Variants in TBC1D32 observed in about 807,000 individuals in gnomAD.
TBC1D32 encodes protein broad-minded.
A neutral mutation model predicts 170.3 loss-of-function variants in TBC1D32; 151 were observed. The ratio of observed to expected loss-of-function variants is 0.89; its 90% CI spans 0.78 to 1.01. The LOEUF (loss-of-function observed/expected upper bound fraction) is 1.01. Ranked by LOEUF, TBC1D32 falls within the 50% of genes least tolerant of loss-of-function variation. TBC1D32 has a pLI of 0.00. For missense variants in TBC1D32, 1,464 were observed against 1,457.1 expected, an observed-to-expected ratio of 1.00 and a Z score of -0.08; for synonymous variants, 498 against 488.0, an observed-to-expected ratio of 1.02 and a Z score of -0.27.
chr6:121,293,537 C>T (rs1457648172), intron 11 of TBC1D32, among the ~76,000 whole-genome samples: 1 of 152,152 alleles, frequency 6.6e-6, no homozygotes, highest in African/African-American at 2.4e-5. Context: ...ACAATAAAAG[C>T]TATCAGGTTC....
intron 31 of TBC1D32, 61 bp downstream of exon 31, chr6:121,090,792 T>C: frequency 2.7e-6 from 4 of 1,488,430 alleles, no homozygotes; most frequent in South Asian, 1.2e-5. Context: ...AAGTATCTAA[T>C]ATTAAGCAAC....
At position 121,321,662 on chromosome 6, in the gene TBC1D32, C is replaced by T. The variant is rs1303482911; in HGVS notation, c.288G>A (p.Gln96=). ...EECGYDTVVQ[Q]VTKRTQESKE... ...TAGATTCTTGAGTTCTTTTAGTGAC[C>T]TGCTGTACAACTGTATCATAGCCGC... is the stretch of plus-strand genomic sequence containing the variant. The change falls in exon 2 of 32, where the codon CAG becomes CAA. Residue 96 remains glutamine, a synonymous_variant. Coordinates refer to ENST00000398212, the MANE Select transcript of TBC1D32 (RefSeq NM_152730.6). The T allele has an allele frequency of 1.9e-6, 3 of 1,612,962 alleles. No individual in the cohort carries two copies. The highest frequency in any genetic ancestry group is 2.5e-6 in the Non-Finnish European group (3 of 1,179,576).
intron 15 of TBC1D32, among the ~76,000 whole-genome samples, chr6:121,267,489 G>A (rs963031176): frequency 6.6e-6 from 1 of 152,150 alleles, no homozygotes; most frequent in Non-Finnish European, 1.5e-5. Flanking sequence ...TGGCTTGGAG[G>A]GTCCCAAGCC....
At chr6:121,280,112 A>C (rs1802779019) in intron 14 of TBC1D32, among the ~76,000 whole-genome samples, 1 of 151,960 alleles carries the variant, frequency 6.6e-6, no homozygotes. Context: ...AGCACTATTC[A>C]TACTACTTAG....
At chr6:121,243,582 C>T (rs1018540076) in intron 17 of TBC1D32, among the ~76,000 whole-genome samples, 7 of 151,876 alleles carry the variant, frequency 4.6e-5, no homozygotes, top group African/African-American at 1.5e-4. Context: ...TAACAAAACA[C>T]ACACACACAC....
chr6:121,113,554 C>T (rs1437787685), intron 27 of TBC1D32, among the ~76,000 whole-genome samples: 2 of 152,100 alleles, frequency 1.3e-5, no homozygotes, highest in African/African-American at 4.8e-5. Context: ...GTACTTCCCT[C>T]AGGGGCCACT....
intron 24 of TBC1D32, among the ~76,000 whole-genome samples, chr6:121,137,920 G>T (rs1782317904): frequency 6.6e-6 from 1 of 151,916 alleles, no homozygotes; most frequent in African/African-American, 2.4e-5. Context: ...CATTTCTAAA[G>T]GGAGAAAAAG....
intron 22 of TBC1D32, among the ~76,000 whole-genome samples, chr6:121,188,508 A>G (rs1187092388): frequency 6.6e-6 from 1 of 152,140 alleles, no homozygotes; most frequent in Admixed American, 6.6e-5. Flanking sequence ...AGGAGAGCCA[A>G]TGAAATCTAA....
At chr6:121,256,320 A>G (rs1799011136) in intron 15 of TBC1D32, 35 bp from the exon 16 acceptor site, 2 of 1,547,890 alleles carry the variant, frequency 1.3e-6, no homozygotes, top group Non-Finnish European at 1.8e-6. Flanking sequence ...TTCCAAGGTT[A>G]TATTAATCTT....
chr6:121,116,775 T>C (rs1335503275), intron 26 of TBC1D32, among the ~76,000 whole-genome samples: 1 of 152,190 alleles, frequency 6.6e-6, no homozygotes, highest in Admixed American at 6.5e-5. Flanking sequence ...TTCTTCCCTG[T>C]GAAAGAAAAG....
At chr6:121,142,368 CAT>C (rs1457843961) in intron 24 of TBC1D32, among the ~76,000 whole-genome samples, 1 of 152,188 alleles carries the variant, frequency 6.6e-6, no homozygotes, top group Non-Finnish European at 1.5e-5. Context: ...GCACTAGAAA[CAT>C]ATAAAAAATG....
At chr6:121,171,321 T>TA (rs59558382) in intron 22 of TBC1D32, among the ~76,000 whole-genome samples, 23,276 of 131,648 alleles carry the variant, frequency 0.18, 2,684 homozygotes, top group African/African-American at 0.31. Flanking sequence ...TCTTACAAGT[T>TA]AAAAAAAAAA....
At chr6:121,169,313 T>C (rs1786614203) in intron 22 of TBC1D32, among the ~76,000 whole-genome samples, 1 of 152,096 alleles carries the variant, frequency 6.6e-6, no homozygotes, top group African/African-American at 2.4e-5. Context: ...AAATAAGCAA[T>C]GAGGAAAGGA....
Position 121,304,440 on chromosome 6 carries a change from C to A in TBC1D32, c.874-14G>T, listed in dbSNP as rs762500448. On this transcript the variant is annotated splice_polypyrimidine_tract_variant and intron_variant, in intron 7 of 31. Transcript: ENST00000398212. The stretch of plus-strand genomic sequence containing the variant: ...TAGAAGACGAACCTACAAAGCAGTG[C>A]ACAATAGTTCTCAAAAAATTAGCAT... The A allele has an allele frequency of 6.2e-7, 1 of 1,609,470 alleles. No homozygotes were observed. Among genetic ancestry groups the A allele is most frequent in the South Asian group, 1.1e-5 (1 of 89,902 alleles).
intron 20 of TBC1D32, among the ~76,000 whole-genome samples, chr6:121,231,378 A>G (rs1795717345): frequency 6.6e-6 from 1 of 152,168 alleles, no homozygotes; most frequent in African/African-American, 2.4e-5. Context: ...GCTGCTATGA[A>G]CATGCATTTG....
rs1387801377 is a variant in TBC1D32 at position 121,265,556 on chromosome 6, A to T, written c.1734-9271T>A. 2.0e-5 allele frequency among the ~76,000 whole-genome samples: 3 copies of T among 149,512 alleles called. No homozygotes were observed. The East Asian group carries it at 6.0e-4, about 30-fold the overall frequency. On this transcript the variant is annotated intron_variant, in intron 15 of 31. Transcript: ENST00000398212. ...GACATTCTTCACAGAATTAGAAAAA[A>T]AACTACTTAAAAAAAATTCATATGG...
chr6:121,161,971 T>C (rs1205275310), intron 22 of TBC1D32, among the ~76,000 whole-genome samples: 1 of 152,240 alleles, frequency 6.6e-6, no homozygotes, highest in African/African-American at 2.4e-5. Flanking sequence ...GTTGGCCACA[T>C]GTATGTCTTC....
At chr6:121,278,190 A>T (rs1489058932) in intron 15 of TBC1D32, among the ~76,000 whole-genome samples, 1 of 152,162 alleles carries the variant, frequency 6.6e-6, no homozygotes, top group Non-Finnish European at 1.5e-5. Context: ...TTTTATGAAG[A>T]AATTAAACCA....
chr6:121,274,542 T>G (rs1471339421), intron 15 of TBC1D32, among the ~76,000 whole-genome samples: 1 of 151,940 alleles, frequency 6.6e-6, no homozygotes, highest in South Asian at 2.1e-4. Context: ...CCAACTATTT[T>G]CCCTAAAAGG....
Sources: allele counts gnomAD v4.1 joint callset (sites outside exome capture counted in the v4.1 genomes callset), GRCh38; gene constraint gnomAD v4.1.1; transcripts MANE v1.5; gene names NCBI Gene and HGNC (gene_info 2026-07-23, HGNC 2026-07-21).